The following CCSER2 variants were observed in gnomAD, a reference collection of about 807,000 sequenced individuals.
CCSER2 encodes the protein serine-rich coiled-coil domain-containing protein 2.
CCSER2 carries 46 observed loss-of-function variants against 92.3 expected under a neutral mutation model. The ratio of observed to expected loss-of-function variants is 0.50; its 90% confidence interval spans 0.39 to 0.64. The LOEUF (loss-of-function observed/expected upper bound fraction) is 0.64, where lower values mean the gene tolerates loss of function less well. Among genes scored for constraint, CCSER2 ranks in the 30% least tolerant of loss-of-function variants. The pLI is 0.00. For missense variants in CCSER2, 1,244 were observed against 1,238.9 expected (o/e 1.00, Z -0.06); for synonymous variants, 433 against 431.4 (o/e 1.00, Z -0.04).
intron 9 of CCSER2, among the ~76,000 whole-genome samples, chr10:84,488,716 A>G (rs1003247663): frequency 1.3e-5 from 2 of 152,102 alleles, no homozygotes; most frequent in Middle Eastern, 3.2e-3. Context: ...ATTCTTTTGA[A>G]GGATTTTTTG....
chr10:84,503,181 C>T (rs980420110), intron 9 of CCSER2, among the ~76,000 whole-genome samples: 3 of 151,886 alleles, frequency 2.0e-5, no homozygotes, highest in Admixed American at 6.6e-5. Context: ...TGAGCCAGAT[C>T]GCACCACTGT....
At chr10:84,426,009 C>G in intron 5 of CCSER2, 116 bp downstream of exon 5, 1 of 580,880 alleles carries the variant, frequency 1.7e-6, no homozygotes, top group Non-Finnish European at 2.8e-6. Context: ...TTAGAGGCAC[C>G]AAAAAGCACT....
At chr10:84,437,958 G>A (rs149633885) in intron 5 of CCSER2, among the ~76,000 whole-genome samples, 29 of 151,862 alleles carry the variant, frequency 1.9e-4, no homozygotes, top group African/African-American at 7.0e-4. Context: ...GAAATATGCG[G>A]TATATATAAA....
At chr10:84,362,819 TTTTATTTTATTTTAA>T (rs1190350983) in intron 1 of CCSER2, among the ~76,000 whole-genome samples, 87 of 151,880 alleles carry the variant, frequency 5.7e-4, no homozygotes, top group African/African-American at 1.8e-3. Flanking sequence ...TGGTATTTTA[TTTTATTTTATTTTAA>T]TTTATTTTAT....
chr10:84,431,458 T>C (rs1297452769), intron 5 of CCSER2, among the ~76,000 whole-genome samples: 3 of 151,976 alleles, frequency 2.0e-5, no homozygotes, highest in Non-Finnish European at 2.9e-5. Context: ...AAAAAAAAAT[T>C]AGCCAGGTGC....
chr10:84,496,008 A>C (rs1268399134), intron 9 of CCSER2, among the ~76,000 whole-genome samples: 1 of 148,552 alleles, frequency 6.7e-6, no homozygotes, highest in Non-Finnish European at 1.5e-5. Flanking sequence ...TCTGTATATT[A>C]GTTTTTTAAT....
chr10:84,510,648 A>C (rs1849301402), intron 9 of CCSER2, among the ~76,000 whole-genome samples: 1 of 152,258 alleles, frequency 6.6e-6, no homozygotes, highest in Admixed American at 6.5e-5. Flanking sequence ...GGATGTGAGC[A>C]AGATGAATTA....
chr10:84,457,316 ATATAT>A lies in CCSER2; in HGVS notation c.2065-6611_2065-6607del, dbSNP rs1187676859. Among the ~76,000 whole-genome samples the A allele has an allele frequency of 1.2e-4, 9 of 72,020 alleles. 1 individual carries two copies. Among genetic ancestry groups the A allele is most frequent in the Admixed American group, 2.7e-4 (1 of 3,668 alleles). The allele number at this position is 72,020 out of a possible 152,430, so 47.2% of individuals were successfully genotyped here. On this transcript the variant is annotated intron_variant, in intron 6 of 9. Coordinates refer to ENST00000372088, the MANE Select transcript of CCSER2 (RefSeq NM_001284240.2). The stretch of plus-strand genomic sequence containing the variant: ...TATTATATATAATATGTTATATATA[ATATAT>A]TATATATAATATATTATATATTATA...
chr10:84,436,341 A>G (rs1844134818), intron 5 of CCSER2, among the ~76,000 whole-genome samples: 1 of 137,186 alleles, frequency 7.3e-6, no homozygotes. Flanking sequence ...AAAAAAAAAA[A>G]AAAAAAAAAA....
intron 3 of CCSER2, among the ~76,000 whole-genome samples, chr10:84,394,536 T>A (rs1180731623): frequency 6.6e-6 from 1 of 151,806 alleles, no homozygotes; most frequent in East Asian, 1.9e-4. Context: ...CATTTTAGCA[T>A]ACGGAACAGC....
chr10:84,342,293 C>T (rs1000927321), intron 1 of CCSER2, among the ~76,000 whole-genome samples: 2 of 152,186 alleles, frequency 1.3e-5, no homozygotes, highest in African/African-American at 4.8e-5. Flanking sequence ...TATCATATCA[C>T]AGTATCACAG....
intron 1 of CCSER2, among the ~76,000 whole-genome samples, chr10:84,360,939 C>T (rs141839181): frequency 6.6e-6 from 1 of 152,190 alleles, no homozygotes; most frequent in African/African-American, 2.4e-5. Context: ...AACATTTCTC[C>T]CATTCCATTC....
chr10:84,366,127 A>G (rs1845763615), intron 1 of CCSER2, among the ~76,000 whole-genome samples: 2 of 152,134 alleles, frequency 1.3e-5, no homozygotes, highest in South Asian at 4.1e-4. Context: ...AATTTTTAGT[A>G]GAGATGAGGT....
At chr10:84,350,737 G>C (rs1377241046) in intron 1 of CCSER2, among the ~76,000 whole-genome samples, 1 of 152,138 alleles carries the variant, frequency 6.6e-6, no homozygotes, top group Admixed American at 6.5e-5. Context: ...TCTATTCATT[G>C]ATCCTAGTTC....
At chr10:84,354,808 T>C (rs1016775221) in intron 1 of CCSER2, among the ~76,000 whole-genome samples, 6 of 151,516 alleles carry the variant, frequency 4.0e-5, no homozygotes, top group African/African-American at 1.5e-4. Flanking sequence ...ATGTGCTAAG[T>C]TTGTGATGTT....
At chr10:84,358,988 G>T (rs1182424463) in intron 1 of CCSER2, among the ~76,000 whole-genome samples, 1 of 152,064 alleles carries the variant, frequency 6.6e-6, no homozygotes, top group East Asian at 1.9e-4. Flanking sequence ...GTGAACCTAG[G>T]CATTTACTGT....
At chr10:84,370,564 G>C (rs1056035594) in intron 1 of CCSER2, among the ~76,000 whole-genome samples, 2 of 152,106 alleles carry the variant, frequency 1.3e-5, no homozygotes, top group African/African-American at 4.8e-5. Flanking sequence ...TTGGCAAACA[G>C]AGATAGTTTG....
chr10:84,455,625 T>A, intron 6 of CCSER2: 1 of 622,254 alleles, frequency 1.6e-6, no homozygotes, highest in Non-Finnish European at 3.0e-6. Flanking sequence ...GTCTTGACCT[T>A]TTTTGAACTG....
chr10:84,368,420 C>A (rs556395783), intron 1 of CCSER2, among the ~76,000 whole-genome samples: 83 of 151,528 alleles, frequency 5.5e-4, no homozygotes, highest in Admixed American at 2.0e-3. Context: ...ATATATATAT[C>A]TCTTAGTTGT....
Sources: gnomAD v4.1 joint callset for allele counts (sites outside exome capture counted in the v4.1 genomes callset) on GRCh38, gnomAD v4.1.1 for gene constraint, MANE v1.5 for transcripts, NCBI Gene and HGNC (gene_info 2026-07-23, HGNC 2026-07-21) for gene names.